The following CEP128 variants were observed in gnomAD, a reference collection of about 807,000 sequenced individuals.
The protein encoded by CEP128 is centrosomal protein 128kDa.
Under a neutral mutation model 156.7 loss-of-function variants are expected in CEP128, and 132 were observed. That is an observed-to-expected ratio of 0.84 (90% CI 0.73 to 0.97). The LOEUF is 0.97. Ranked by LOEUF, CEP128 falls within the 50% of genes least tolerant of loss-of-function variation. The probability of loss-of-function intolerance (pLI) is 0.00; values close to 1 mark genes in which losing one functional copy is unlikely to be tolerated. For missense variants in CEP128, 1,252 were observed against 1,281.9 expected (o/e 0.98, Z 0.36); for synonymous variants, 469 against 448.9 (o/e 1.04, Z -0.57).
intron 23 of CEP128, among the ~76,000 whole-genome samples, chr14:80,518,778 T>C (rs938214314): frequency 6.6e-6 from 1 of 152,218 alleles, no homozygotes; most frequent in Non-Finnish European, 1.5e-5. Flanking sequence ...ATTATATCTT[T>C]AAGTTCTAAT....
chr14:80,501,918 A>G (rs934746337), intron 24 of CEP128, among the ~76,000 whole-genome samples: 4 of 152,066 alleles, frequency 2.6e-5, no homozygotes, highest in Non-Finnish European at 5.9e-5. Context: ...CTGTCAGTTT[A>G]TCATTGCCAC....
At chr14:80,954,692 T>C (rs182229891) in intron 2 of CEP128, among the ~76,000 whole-genome samples, 1 of 152,366 alleles carries the variant, frequency 6.6e-6, no homozygotes, top group East Asian at 1.9e-4. Context: ...GAATAAGTGA[T>C]TGAAGACTTT....
intron 21 of CEP128, among the ~76,000 whole-genome samples, chr14:80,538,732 A>T (rs768789060): frequency 1.5e-4 from 23 of 152,174 alleles, no homozygotes; most frequent in Non-Finnish European, 2.6e-4. Flanking sequence ...TAGAATTTGC[A>T]TGTAATGAAA....
At chr14:80,879,009 T>C (rs1390692114) in intron 8 of CEP128, among the ~76,000 whole-genome samples, 1 of 152,146 alleles carries the variant, frequency 6.6e-6, no homozygotes, top group African/African-American at 2.4e-5. Context: ...CTTGCTCTAA[T>C]AACCTACACA....
At chr14:80,879,869 C>T (rs1363233276) in intron 8 of CEP128, among the ~76,000 whole-genome samples, 1 of 152,150 alleles carries the variant, frequency 6.6e-6, no homozygotes, top group African/African-American at 2.4e-5. Flanking sequence ...CTCTTCAAGT[C>T]ATATTCTAAT....
chr14:80,718,023 A>G (rs1897674040), intron 19 of CEP128, among the ~76,000 whole-genome samples: 1 of 150,982 alleles, frequency 6.6e-6, no homozygotes, highest in Admixed American at 6.6e-5. Flanking sequence ...ATGTGTGTGT[A>G]TATATGTTTT....
upstream of CEP128, chr14:80,945,620 C>A (rs1355162264): frequency 1.3e-5 from 2 of 152,176 alleles, no homozygotes; most frequent in African/African-American, 4.8e-5. Context: ...TTGGGCCAAT[C>A]AGGCTCTTTA....
chr14:80,730,478 C>T (rs1370901591), intron 19 of CEP128, among the ~76,000 whole-genome samples: 7 of 152,154 alleles, frequency 4.6e-5, no homozygotes, highest in Non-Finnish European at 8.8e-5. Context: ...AGGTGAACTT[C>T]TAGCTGGAGA....
chr14:80,519,881 C>T (rs1390610904), intron 23 of CEP128, among the ~76,000 whole-genome samples: 1 of 152,016 alleles, frequency 6.6e-6, no homozygotes, highest in African/African-American at 2.4e-5. Flanking sequence ...ATTTCTTGAC[C>T]AAAGTGCAGA....
At chr14:80,516,638 C>T (rs565401860) in intron 23 of CEP128, among the ~76,000 whole-genome samples, 2 of 152,234 alleles carry the variant, frequency 1.3e-5, no homozygotes, top group African/African-American at 4.8e-5. Context: ...TGCATGATTC[C>T]CTTCTGGCTA....
At chr14:80,482,670 T>C (rs1276635436) in intron 14 of CEP128, among the ~76,000 whole-genome samples, 2 of 152,170 alleles carry the variant, frequency 1.3e-5, no homozygotes, top group Non-Finnish European at 2.9e-5. Flanking sequence ...ACATATCAGC[T>C]GAAAAAGCCG....
chr14:80,640,098 T>C (rs1894346789), intron 19 of CEP128, among the ~76,000 whole-genome samples: 1 of 152,142 alleles, frequency 6.6e-6, no homozygotes, highest in Non-Finnish European at 1.5e-5. Flanking sequence ...TAATGGAACT[T>C]ATTGTAAATG....
chr14:80,849,703 T>C (rs1886792677), intron 9 of CEP128, among the ~76,000 whole-genome samples: 1 of 152,062 alleles, frequency 6.6e-6, no homozygotes, highest in Non-Finnish European at 1.5e-5. Flanking sequence ...TCATGAGAGC[T>C]ATAAAAAATG....
chr14:80,937,202 T>TGTGCA (rs200615456), intron 2 of CEP128, among the ~76,000 whole-genome samples: 2,302 of 152,106 alleles, frequency 0.015, 23 homozygotes, highest in Middle Eastern at 0.051. Context: ...ACACCTGTAG[T>TGTGCA]CCTAACTACT....
chr14:80,708,228 C>T (rs915699919), intron 19 of CEP128, among the ~76,000 whole-genome samples: 1 of 152,044 alleles, frequency 6.6e-6, no homozygotes, highest in Non-Finnish European at 1.5e-5. Context: ...TTTTGATATA[C>T]ATTCCTAAAA....
intron 19 of CEP128, among the ~76,000 whole-genome samples, chr14:80,687,614 C>T (rs1171226345): frequency 1.3e-5 from 2 of 152,084 alleles, no homozygotes; most frequent in African/African-American, 4.8e-5. Flanking sequence ...GGTTGAAAAC[C>T]TTACTTTTGG....
chr14:80,482,250 G>A lies in CEP128; in HGVS notation c.*311-3843C>T, dbSNP rs149003896. ...GGCTTTTAGTAGTCACTGATTGGTG[G>A]TGTCTTTTCCTATGTTTAGTACGTT... is the stretch of plus-strand genomic sequence containing the variant. On this transcript the variant is annotated intron_variant and NMD_transcript_variant, in intron 14 of 14. Transcript: ENST00000554502. 6.6e-3 allele frequency among the ~76,000 whole-genome samples: 1,010 copies of A among 152,288 alleles called. 6 individuals are homozygous for A. Among genetic ancestry groups the A allele is most frequent in the Non-Finnish European group, 9.8e-3 (667 of 68,018 alleles).
intron 18 of CEP128, among the ~76,000 whole-genome samples, chr14:80,750,456 T>C (rs1203614823): frequency 3.9e-5 from 6 of 152,214 alleles, no homozygotes; most frequent in African/African-American, 9.6e-5. Context: ...ATTGTCTTTA[T>C]GCAATTGTCT....
chr14:80,491,894 A>T (rs1256048328), downstream of CEP128, among the ~76,000 whole-genome samples: 1 of 152,174 alleles, frequency 6.6e-6, no homozygotes, highest in Non-Finnish European at 1.5e-5. Flanking sequence ...AATGTGTGTT[A>T]TTAAAGGCAA....
Sources: gnomAD v4.1 joint callset for allele counts (sites outside exome capture counted in the v4.1 genomes callset) on GRCh38, gnomAD v4.1.1 for gene constraint, MANE v1.5 for transcripts, NCBI Gene and HGNC (gene_info 2026-07-23, HGNC 2026-07-21) for gene names.